Variants in DLGAP1 observed in about 807,000 individuals in gnomAD.
DLGAP1 encodes the protein DLG associated protein 1, also known as disks large-associated protein 1.
Under a neutral mutation model 90.8 loss-of-function variants are expected in DLGAP1, and 11 were observed. The observed-to-expected ratio is 0.12, with a 90% CI of 0.08 to 0.20. The LOEUF is 0.20. Ranked by LOEUF, DLGAP1 falls within the 10% of genes least tolerant of loss-of-function variation. The pLI is 1.00. For missense variants in DLGAP1, 1,050 were observed against 1,333.8 expected, an observed-to-expected ratio of 0.79 and a Z score of 3.31; for synonymous variants, 558 against 540.7, an observed-to-expected ratio of 1.03 and a Z score of -0.44.
intron 5 of DLGAP1, chr18:3,769,950 T>C (rs189724530): frequency 6.6e-6 from 1 of 152,160 alleles, no homozygotes; most frequent in Non-Finnish European, 1.5e-5. Flanking sequence ...AATCTCAAAA[T>C]AAAATTTTAA....
At chr18:4,054,391 A>G (rs1422215641) in intron 2 of DLGAP1, among the ~76,000 whole-genome samples, 4 of 152,162 alleles carry the variant, frequency 2.6e-5, no homozygotes, top group Non-Finnish European at 4.4e-5. Flanking sequence ...AAAAGTGCAT[A>G]TTTCTTCCAA....
At chr18:4,210,827 G>A (rs913584169) in intron 1 of DLGAP1, among the ~76,000 whole-genome samples, 1 of 152,148 alleles carries the variant, frequency 6.6e-6, no homozygotes, top group Non-Finnish European at 1.5e-5. Context: ...ATACTGATGT[G>A]TAAAGAGAAC....
chr18:4,088,232 G>T (rs2075715959), intron 2 of DLGAP1, among the ~76,000 whole-genome samples: 1 of 151,636 alleles, frequency 6.6e-6, no homozygotes, highest in Non-Finnish European at 1.5e-5. Context: ...TTATATATAA[G>T]GTAGGAGTCT....
intron 5 of DLGAP1, among the ~76,000 whole-genome samples, chr18:3,802,745 C>T (rs751865841): frequency 6.6e-6 from 1 of 152,104 alleles, no homozygotes; most frequent in African/African-American, 2.4e-5. Flanking sequence ...GGAGACAGAG[C>T]CTTATAGCTC....
At chr18:4,173,096 T>C (rs1426059573) in intron 1 of DLGAP1, among the ~76,000 whole-genome samples, 1 of 152,222 alleles carries the variant, frequency 6.6e-6, no homozygotes, top group Non-Finnish European at 1.5e-5. Context: ...AATCAGTACT[T>C]GAGAAATATT....
intron 2 of DLGAP1, among the ~76,000 whole-genome samples, chr18:4,072,588 G>T (rs570771576): frequency 6.6e-6 from 1 of 152,018 alleles, no homozygotes; most frequent in African/African-American, 2.4e-5. Flanking sequence ...TTCTGCCTCA[G>T]CCTCCAGAGT....
intron 1 of DLGAP1, among the ~76,000 whole-genome samples, chr18:4,384,431 C>A (rs2082190722): frequency 6.6e-6 from 1 of 152,138 alleles, no homozygotes; most frequent in African/African-American, 2.4e-5. Flanking sequence ...ATCCAGTCCA[C>A]TTTGATGACA....
At chr18:3,968,092 A>G (rs1429457598) in intron 3 of DLGAP1, among the ~76,000 whole-genome samples, 1 of 152,222 alleles carries the variant, frequency 6.6e-6, no homozygotes, top group Non-Finnish European at 1.5e-5. Flanking sequence ...ATATGTAACT[A>G]GCTCTATCAC....
chr18:3,816,926 T>C (rs1210742432), intron 4 of DLGAP1, among the ~76,000 whole-genome samples: 3 of 152,240 alleles, frequency 2.0e-5, no homozygotes, highest in Non-Finnish European at 4.4e-5. Flanking sequence ...CTAGTAACAA[T>C]GTAATGTTTT....
intron 1 of DLGAP1, among the ~76,000 whole-genome samples, chr18:4,445,447 C>T (rs1355243977): frequency 3.5e-5 from 4 of 113,768 alleles, no homozygotes; most frequent in Non-Finnish European, 6.9e-5. Context: ...TCCCTCCCCC[C>T]TCCCCCCACC....
intron 2 of DLGAP1, among the ~76,000 whole-genome samples, chr18:4,144,363 A>G (rs1405951186): frequency 6.6e-6 from 1 of 152,178 alleles, no homozygotes; most frequent in Admixed American, 6.5e-5. Context: ...GTTCTGTCCC[A>G]CATTGCTTTC....
intron 7 of DLGAP1, among the ~76,000 whole-genome samples, chr18:3,585,916 T>A (rs2055852288): frequency 6.6e-6 from 1 of 152,202 alleles, no homozygotes. Flanking sequence ...TGGGAGGGGC[T>A]AGTTCACATT....
At chr18:3,588,575 A>T (rs1014780943) in intron 7 of DLGAP1, among the ~76,000 whole-genome samples, 2 of 151,948 alleles carry the variant, frequency 1.3e-5, no homozygotes, top group South Asian at 2.1e-4. Flanking sequence ...AGGTCAGGAG[A>T]TCAAGACCAT....
intron 1 of DLGAP1, among the ~76,000 whole-genome samples, chr18:4,264,226 G>A (rs1443452037): frequency 2.6e-5 from 4 of 152,116 alleles, no homozygotes. Context: ...AGAAGATGTG[G>A]AAAGTGCATC....
At position 3,508,963 on chromosome 18, in the gene DLGAP1, A is replaced by G. The variant is rs192393207; in HGVS notation, c.2480-302T>C. On this transcript the variant is annotated intron_variant, in intron 10 of 12. Transcript: ENST00000315677. The stretch of plus-strand genomic sequence containing the variant: ...ACCAAGAACTGGATGTTACCAAGAG[A>G]AGAGGCAAACAGTTGTTGCTTTTTT... Among the ~76,000 whole-genome samples the G allele has an allele frequency of 6.4e-4, 97 of 151,962 alleles. 1 individual carries two copies. The highest frequency in any genetic ancestry group is 3.4e-3 in the Middle Eastern group (1 of 292).
chr18:4,430,538 G>GTGTC, intron 1 of DLGAP1: 1 of 152,032 alleles, frequency 6.6e-6, no homozygotes, highest in East Asian at 1.9e-4. Flanking sequence ...GTGTGTGTGT[G>GTGTC]TGTCTGTGAT....
intron 7 of DLGAP1, among the ~76,000 whole-genome samples, chr18:3,583,195 T>TTCCTTCCTTCCTTCCTTCCTTCCC (rs1568241159): frequency 2.0e-5 from 3 of 147,576 alleles, no homozygotes; most frequent in Non-Finnish European, 3.0e-5. Context: ...CCTTCCTTCC[T>TTCCTTCCTTCCTTCCTTCCTTCCC]TCCTTCCTTC....
intron 7 of DLGAP1, among the ~76,000 whole-genome samples, chr18:3,628,546 T>C (rs1053406103): frequency 2.4e-4 from 37 of 152,292 alleles, no homozygotes; most frequent in Middle Eastern, 3.4e-3. Flanking sequence ...GGCCAAGCTA[T>C]AGAATGCCTC....
At chr18:3,856,280 G>A (rs1031120171) in intron 4 of DLGAP1, among the ~76,000 whole-genome samples, 2 of 152,204 alleles carry the variant, frequency 1.3e-5, no homozygotes, top group African/African-American at 4.8e-5. Flanking sequence ...CTGGGAAAGA[G>A]AATGAACTCA....
Sources: allele counts gnomAD v4.1 joint callset (sites outside exome capture counted in the v4.1 genomes callset), GRCh38; gene constraint gnomAD v4.1.1; transcripts MANE v1.5; gene names NCBI Gene and HGNC (gene_info 2026-07-23, HGNC 2026-07-21).